CCDC38: variants seen among roughly 807,000 people sequenced by gnomAD.
The protein encoded by CCDC38 is coiled-coil domain containing 38.
A neutral mutation model predicts 72.8 loss-of-function variants in CCDC38; 69 were observed. That is an observed-to-expected ratio of 0.95 (90% CI 0.78 to 1.16). CCDC38 has a LOEUF of 1.16. Among genes scored for constraint, CCDC38 ranks in the 50% most tolerant of loss-of-function variants. The pLI, the probability that CCDC38 is intolerant of heterozygous loss-of-function variation, is 0.00. For synonymous variants in CCDC38, 201 were observed against 213.2 expected (o/e 0.94, Z 0.50); for missense variants, 626 against 638.9 (o/e 0.98, Z 0.22).
At chr12:95,912,156 C>T (rs143323180) in intron 4 of CCDC38, among the ~76,000 whole-genome samples, 29 of 152,226 alleles carry the variant, frequency 1.9e-4, no homozygotes, top group African/African-American at 6.3e-4. Flanking sequence ...TAAGTGGGAG[C>T]TAAACATTGA....
intron 10 of CCDC38, among the ~76,000 whole-genome samples, chr12:95,888,242 G>A (rs1428378291): frequency 6.6e-6 from 1 of 152,242 alleles, no homozygotes; most frequent in East Asian, 1.9e-4. Context: ...CAGGGGGCGG[G>A]GCAGATAGCT....
At chr12:95,926,569 C>A (rs1040234542) in intron 2 of CCDC38, among the ~76,000 whole-genome samples, 2 of 151,998 alleles carry the variant, frequency 1.3e-5, no homozygotes, top group African/African-American at 4.8e-5. Flanking sequence ...TTAGTTATTT[C>A]TTGCCTTCCG....
intron 15 of CCDC38, 107 bp downstream of exon 15, chr12:95,869,373 T>C: frequency 1.3e-6 from 1 of 799,236 alleles, no homozygotes; most frequent in South Asian, 1.7e-5. Context: ...GCAAGAAAGA[T>C]TATCTTTCTG....
At chr12:95,893,203 C>T (rs577935879) in intron 8 of CCDC38, among the ~76,000 whole-genome samples, 14 of 152,146 alleles carry the variant, frequency 9.2e-5, no homozygotes, top group East Asian at 1.9e-4. Flanking sequence ...GAAAACATGA[C>T]GTAGCTTTCT....
In CCDC38 at chr12:95,917,184, A is replaced by AAAGGT; in HGVS notation, c.248_249insACCTT (p.Arg84ProfsTer18). 1.2e-6 allele frequency: 2 copies of AAAGGT among 1,607,656 alleles called. No homozygotes were observed. The highest frequency in any genetic ancestry group is 1.7e-6 in the Non-Finnish European group (2 of 1,178,790). On this transcript the variant is annotated frameshift_variant, in exon 4 of 16. Transcript: ENST00000344280. LOFTEE classifies it high-confidence loss of function. ...CTGGCCCAAACTTTTCAAATGACCT[A>AAAGGT]CCACTCCTTTTAGGGTAGAAAGCTA...
chr12:95,919,084 T>C (rs916193642), intron 2 of CCDC38, 108 bp from the exon 3 acceptor site: 5 of 694,450 alleles, frequency 7.2e-6, no homozygotes, highest in Non-Finnish European at 1.3e-5. Context: ...TGCAGGGATC[T>C]CTGAGAAGGT....
At chr12:95,898,346 G>A (rs748101771) in intron 7 of CCDC38, 39 bp downstream of exon 7, 21 of 1,595,034 alleles carry the variant, frequency 1.3e-5, no homozygotes, top group Non-Finnish European at 1.7e-5. Flanking sequence ...TTAATGGGTC[G>A]TGGAAATTTG....
chr12:95,890,976 GA>G (rs375989913), intron 8 of CCDC38, 46 bp from the exon 9 acceptor site: 140 of 1,053,206 alleles, frequency 1.3e-4, no homozygotes, highest in East Asian at 5.8e-4. Flanking sequence ...AAGATGGGGG[GA>G]AAAAAACACT....
At chr12:95,899,324 G>A (rs2079926837) in intron 5 of CCDC38, among the ~76,000 whole-genome samples, 2 of 152,144 alleles carry the variant, frequency 1.3e-5, no homozygotes, top group Admixed American at 6.5e-5. Context: ...TTGAGACAAG[G>A]TCTTGCTCTG....
At chr12:95,931,553 T>A (rs2080339548) in intron 2 of CCDC38, among the ~76,000 whole-genome samples, 1 of 152,190 alleles carries the variant, frequency 6.6e-6, no homozygotes, top group Non-Finnish European at 1.5e-5. Context: ...CTAATTCTTC[T>A]ATTTATTCAT....
chr12:95,881,869 T>A (rs915006128), intron 10 of CCDC38, among the ~76,000 whole-genome samples: 2 of 152,246 alleles, frequency 1.3e-5, no homozygotes, highest in African/African-American at 4.8e-5. Flanking sequence ...AAGAAACACA[T>A]GACAGCCTAT....
intron 15 of CCDC38, among the ~76,000 whole-genome samples, chr12:95,868,438 TCA>T: frequency 6.6e-6 from 1 of 152,298 alleles, no homozygotes. Context: ...AGGAAAGTCT[TCA>T]TGGAAAGAAT....
At chr12:95,930,221 C>T (rs10777756) in intron 2 of CCDC38, among the ~76,000 whole-genome samples, 80,033 of 151,904 alleles carry the variant, frequency 0.53, 21,748 homozygotes, top group East Asian at 0.92. Flanking sequence ...CACTTCTCCC[C>T]GTATTTCTTT....
intron 13 of CCDC38, among the ~76,000 whole-genome samples, chr12:95,876,048 G>A (rs2079632130): frequency 6.6e-6 from 1 of 152,128 alleles, no homozygotes; most frequent in Non-Finnish European, 1.5e-5. Context: ...AACCACTCAA[G>A]TGTCCATCAA....
intron 2 of CCDC38, chr12:95,919,616 T>A (rs546007057): frequency 6.6e-6 from 3 of 456,000 alleles, no homozygotes; most frequent in Non-Finnish European, 1.3e-5. Context: ...CCGACATAGC[T>A]CTTACTGCTT....
intron 5 of CCDC38, among the ~76,000 whole-genome samples, chr12:95,905,577 T>C (rs2079992680): frequency 6.6e-6 from 1 of 152,172 alleles, no homozygotes; most frequent in Non-Finnish European, 1.5e-5. Flanking sequence ...ACTAACTAAA[T>C]TTATGCCCCA....
At chr12:95,913,258 T>C (rs1171861918) in intron 4 of CCDC38, among the ~76,000 whole-genome samples, 1 of 152,140 alleles carries the variant, frequency 6.6e-6, no homozygotes, top group African/African-American at 2.4e-5. Flanking sequence ...ATTTGTGAAA[T>C]GAGGATATTG....
chr12:95,899,657 A>G (rs11108324), intron 5 of CCDC38, among the ~76,000 whole-genome samples: 13,868 of 152,294 alleles, frequency 0.091, 853 homozygotes, highest in Admixed American at 0.13. Flanking sequence ...GGCCACATAC[A>G]TAATATAAAT....
intron 4 of CCDC38, among the ~76,000 whole-genome samples, chr12:95,916,014 C>G (rs2080140091): frequency 6.6e-6 from 1 of 152,186 alleles, no homozygotes; most frequent in African/African-American, 2.4e-5. Context: ...TTTAAACCAG[C>G]CACTTGGTGT....
Sources: allele counts gnomAD v4.1 joint callset (sites outside exome capture counted in the v4.1 genomes callset), GRCh38; gene constraint gnomAD v4.1.1; transcripts MANE v1.5; gene names NCBI Gene and HGNC (gene_info 2026-07-23, HGNC 2026-07-21).